EFCAB5: variants seen among roughly 807,000 people sequenced by gnomAD.
EFCAB5 encodes EF-hand calcium-binding domain-containing protein 5.
In EFCAB5, 131 loss-of-function variants were observed where a neutral mutation model predicts 167.9. That is an observed-to-expected ratio of 0.78 (90% confidence interval 0.68 to 0.90). The LOEUF (loss-of-function observed/expected upper bound fraction) is 0.90, where lower values mean the gene tolerates loss of function less well. Among genes scored for constraint, EFCAB5 ranks in the 40% least tolerant of loss-of-function variants. EFCAB5 has a pLI of 0.00. For missense variants in EFCAB5, 1,663 were observed against 1,745.2 expected (o/e 0.95, Z 0.84); for synonymous variants, 574 against 602.8 (o/e 0.95, Z 0.70).
intron 4 of EFCAB5, among the ~76,000 whole-genome samples, chr17:29,992,249 CT>C (rs2068436995): frequency 6.6e-6 from 1 of 152,162 alleles, no homozygotes; most frequent in Admixed American, 6.5e-5. Flanking sequence ...CTGTGCCTGG[CT>C]TTTTTCACTT....
At chr17:30,022,843 G>A (rs919099856) in intron 7 of EFCAB5, among the ~76,000 whole-genome samples, 8 of 152,148 alleles carry the variant, frequency 5.3e-5, no homozygotes, top group Non-Finnish European at 1.0e-4. Context: ...TCGGACCACA[G>A]TGCAATCAAA....
In EFCAB5 at chr17:30,011,076, T is replaced by C. The variant is rs1160596675; in HGVS notation, c.1044+11100T>C. On this transcript the variant is annotated intron_variant, in intron 7 of 22. Transcript: ENST00000394835. ...GGAATCCTTTCCCCATTTCTTGTTT[T>C]TGTCAGGTTTGTCAAAGATCAGATG... is the stretch of plus-strand genomic sequence containing the variant. Among the ~76,000 whole-genome samples, 3 of 152,226 alleles carry C rather than the reference T, an allele frequency of 2.0e-5. No homozygotes were observed. The South Asian group carries it at 6.2e-4, about 32-fold the overall frequency.
chr17:29,981,300 A>G (rs1386022066), intron 4 of EFCAB5, among the ~76,000 whole-genome samples: 1 of 152,000 alleles, frequency 6.6e-6, no homozygotes, highest in Non-Finnish European at 1.5e-5. Context: ...CTCTCCCCAC[A>G]CTATACTCCA....
intron 16 of EFCAB5, 99 bp downstream of exon 16, chr17:30,080,340 A>G: frequency 7.7e-7 from 1 of 1,294,220 alleles, no homozygotes; most frequent in South Asian, 1.7e-5. Flanking sequence ...CTCAAAAGAG[A>G]GGTGCCTCAA....
At chr17:30,063,040 C>T (rs1004956124) in intron 14 of EFCAB5, among the ~76,000 whole-genome samples, 4 of 152,146 alleles carry the variant, frequency 2.6e-5, no homozygotes, top group Admixed American at 6.5e-5. Context: ...GCTGAGTTGA[C>T]GTAGTAACCT....
At chr17:30,011,586 T>C (rs2068903420) in intron 7 of EFCAB5, among the ~76,000 whole-genome samples, 2 of 152,224 alleles carry the variant, frequency 1.3e-5, no homozygotes, top group Non-Finnish European at 2.9e-5. Context: ...GGGAGTTCAC[T>C]CATGATTTGG....
chr17:29,975,422 A>T (rs373998020), intron 4 of EFCAB5, among the ~76,000 whole-genome samples: 2 of 151,902 alleles, frequency 1.3e-5, no homozygotes, highest in Admixed American at 6.6e-5. Flanking sequence ...TGCCCAGCTA[A>T]TTTTTTGTAT....
At chr17:30,043,645 A>T (rs1005284419) in intron 8 of EFCAB5, among the ~76,000 whole-genome samples, 2 of 152,266 alleles carry the variant, frequency 1.3e-5, no homozygotes, top group Non-Finnish European at 2.9e-5. Flanking sequence ...CACGTGAAAT[A>T]CTTAGCAACA....
rs1320958073 is a variant in EFCAB5 at position 29,987,202 on chromosome 17, T to C, written c.768-5963T>C. ...TTCTTCCACCATCTGTGACACCTTC[T>C]TGATCTGTCCCCAGGTAGGTGGCTG... is the stretch of plus-strand genomic sequence containing the variant. On this transcript the variant is annotated intron_variant, in intron 4 of 22. Coordinates refer to ENST00000394835, the MANE Select transcript of EFCAB5 (RefSeq NM_198529.4). 2.6e-5 allele frequency among the ~76,000 whole-genome samples: 4 copies of C among 152,160 alleles called. 1 individual carries two copies. The highest frequency in any genetic ancestry group is 2.6e-4 in the Admixed American group (4 of 15,274).
intron 3 of EFCAB5, among the ~76,000 whole-genome samples, chr17:29,950,174 G>A (rs1433293541): frequency 5.3e-5 from 8 of 151,994 alleles, no homozygotes; most frequent in Non-Finnish European, 1.0e-4. Context: ...TCAGTCTATC[G>A]AACATGAGGA....
intron 4 of EFCAB5, among the ~76,000 whole-genome samples, chr17:29,970,192 A>G (rs931427438): frequency 6.6e-6 from 1 of 152,154 alleles, no homozygotes; most frequent in Non-Finnish European, 1.5e-5. Flanking sequence ...TGAGTAGTCT[A>G]TCTTTGCCCC....
chr17:30,054,167 TACA>T lies in EFCAB5; in HGVS notation c.2194+23_2194+25del. The T allele has an allele frequency of 6.6e-7, 1 of 1,505,530 alleles. No homozygotes were observed. Among genetic ancestry groups the T allele is most frequent in the Non-Finnish European group, 8.9e-7 (1 of 1,129,554 alleles). The allele number at this position is 1,505,530 out of a possible 1,614,324, so 93.3% of individuals were successfully genotyped here. ...TTTCCAGGTAGTAATGCAGTTCTTCTACAACATCAGTTCCCTGTTTTGTGGAAT... is the reference window on the plus strand; with the variant it reads ...TTTCCAGGTAGTAATGCAGTTCTTCTACATCAGTTCCCTGTTTTGTGGAAT... On this transcript the variant is annotated intron_variant, in intron 10 of 22. Coordinates refer to ENST00000394835, the MANE Select transcript of EFCAB5 (RefSeq NM_198529.4).
intron 4 of EFCAB5, among the ~76,000 whole-genome samples, chr17:29,971,657 G>A (rs1285094464): frequency 1.3e-5 from 2 of 152,148 alleles, no homozygotes; most frequent in Non-Finnish European, 2.9e-5. Context: ...ATTCCTTAAT[G>A]ATGAATTTTA....
chr17:30,082,390 C>CTTTTTT lies in EFCAB5; in HGVS notation c.3427-484_3427-479dup, dbSNP rs71138871. On this transcript the variant is annotated intron_variant, in intron 17 of 22. Coordinates refer to ENST00000394835, the MANE Select transcript of EFCAB5 (RefSeq NM_198529.4). ...TATGTGGGTCTCTCTCTTTATACCT[C>CTTTTTT]TTTTTTTTTTTTTTTTTTTTTTGTG... Among the ~76,000 whole-genome samples the CTTTTTT allele has an allele frequency of 8.9e-4, 87 of 98,234 alleles. 1 individual carries two copies. Among genetic ancestry groups the CTTTTTT allele is most frequent in the African/African-American group, 1.5e-3 (37 of 24,426 alleles). 64.4% of individuals were successfully genotyped at this position (98,234 alleles called of 152,430 possible). A position where few individuals can be genotyped will look rare whatever the true frequency, so the allele number is the denominator to read the frequency against.
chr17:30,091,739 A>G lies in EFCAB5; in HGVS notation c.3938-132A>G. 4.0e-6 allele frequency: 4 copies of G among 1,011,764 alleles called. No homozygotes were observed. The East Asian group carries it at 1.0e-4, about 26-fold the overall frequency. 62.7% of individuals were successfully genotyped at this position (1,011,764 alleles called of 1,614,324 possible). ...GCTAAAGAAACTGAGATTGTTTAAA[A>G]CCAAAGGCTATGGTCTGCTTTTTCT... On this transcript the variant is annotated intron_variant, in intron 20 of 22. Transcript: ENST00000394835.
intron 22 of EFCAB5, among the ~76,000 whole-genome samples, chr17:30,104,175 A>G (rs2071416392): frequency 6.6e-6 from 1 of 152,234 alleles, no homozygotes; most frequent in Admixed American, 6.5e-5. Flanking sequence ...GAACATCAAC[A>G]AATGTGGCTG....
chr17:29,939,970 C>T (rs2067276543), upstream of EFCAB5, among the ~76,000 whole-genome samples: 2 of 152,158 alleles, frequency 1.3e-5, no homozygotes, highest in South Asian at 4.1e-4. Flanking sequence ...CCCTAACTAC[C>T]CTGGGAAAAT....
intron 8 of EFCAB5, among the ~76,000 whole-genome samples, chr17:30,044,583 A>G (rs2069866749): frequency 6.6e-6 from 1 of 152,158 alleles, no homozygotes; most frequent in African/African-American, 2.4e-5. Flanking sequence ...CTCACAAGAA[A>G]AAAAAAATCT....
chr17:30,064,147 ACTC>A (rs2070498942), intron 14 of EFCAB5, among the ~76,000 whole-genome samples: 1 of 152,150 alleles, frequency 6.6e-6, no homozygotes, highest in South Asian at 2.1e-4. Flanking sequence ...AAGGAATATA[ACTC>A]TCTAGTAACA....
Sources: allele counts gnomAD v4.1 joint callset (sites outside exome capture counted in the v4.1 genomes callset), GRCh38; gene constraint gnomAD v4.1.1; transcripts MANE v1.5; gene names NCBI Gene and HGNC (gene_info 2026-07-23, HGNC 2026-07-21).